The following TRIM2 variants were observed in gnomAD, a reference collection of about 807,000 sequenced individuals.
The protein encoded by TRIM2 is tripartite motif containing 2.
TRIM2 carries 20 observed loss-of-function variants against 75.2 expected under a neutral mutation model. The observed-to-expected ratio is 0.27, with a 90% confidence interval of 0.19 to 0.39. The LOEUF (loss-of-function observed/expected upper bound fraction) is 0.39. TRIM2 is among the 10% of genes least tolerant of loss of function. The pLI, the probability that TRIM2 is intolerant of heterozygous loss-of-function variation, is 1.00. For synonymous variants in TRIM2, 373 were observed against 388.3 expected (o/e 0.96, Z 0.46); for missense variants, 660 against 990.8 (o/e 0.67, Z 4.48).
intron 11 of TRIM2, among the ~76,000 whole-genome samples, chr4:153,332,990 AACTTACGTCC>A (rs1771824490): frequency 6.6e-6 from 1 of 152,200 alleles, no homozygotes; most frequent in African/African-American, 2.4e-5. Flanking sequence ...GAGAAGTGAA[AACTTACGTCC>A]ACACAAAAAC....
rs114031474 is a variant in TRIM2 at position 153,336,250 on chromosome 4, C to T, written c.*1284C>T. The stretch of plus-strand genomic sequence containing the variant: ...ATTCCTTTACTAAGCAGTTTAAAGC[C>T]GTCCTAGTGGAGCAAGCCCTAAAGC... On this transcript the variant is annotated 3_prime_UTR_variant, in exon 12 of 12. Coordinates refer to ENST00000338700, the MANE Select transcript of TRIM2 (RefSeq NM_015271.5). 710 of 985,150 alleles carry T rather than the reference C, an allele frequency of 7.2e-4. 6 individuals are homozygous for T. The African/African-American group carries it at 0.011, about 15-fold the overall frequency. 61.0% of individuals were successfully genotyped at this position (985,150 alleles called of 1,614,324 possible).
chr4:153,154,305 G>C (rs1729019389), intron 1 of TRIM2, among the ~76,000 whole-genome samples: 1 of 152,152 alleles, frequency 6.6e-6, no homozygotes, highest in South Asian at 2.1e-4. Flanking sequence ...TCTTGATGTG[G>C]TGTCTGGCCT....
Position 153,335,048 on chromosome 4 carries a change from T to A in TRIM2, c.*82T>A, listed in dbSNP as rs905097512. 3.7e-6 allele frequency: 5 copies of A among 1,359,816 alleles called. No homozygotes were observed. Among genetic ancestry groups the A allele is most frequent in the Non-Finnish European group, 4.8e-6 (5 of 1,041,742 alleles). The allele number at this position is 1,359,816 out of a possible 1,614,324, so 84.2% of individuals were successfully genotyped here. On this transcript the variant is annotated 3_prime_UTR_variant, in exon 12 of 12. Coordinates refer to ENST00000338700, the MANE Select transcript of TRIM2 (RefSeq NM_015271.5). ...TCTCAATGCGGGACCAGATTATGAC[T>A]AGAGTTTTTATGCCAGAAGGAATCA...
At position 153,157,570 on chromosome 4, in the gene TRIM2, C is replaced by G. The variant is rs191310960; in HGVS notation, c.-49+4300C>G. 3.3e-5 allele frequency among the ~76,000 whole-genome samples: 5 copies of G among 152,272 alleles called. No homozygotes were observed. The East Asian group carries it at 7.7e-4, about 23-fold the overall frequency. ...TTTTGAGTTGCCAAAACCATAGGCT[C>G]GGGCTGAGATGCTCTACCCTGGCAT... On this transcript the variant is annotated intron_variant, in intron 1 of 11. Transcript: ENST00000437508.
In TRIM2 at chr4:153,328,786, C is replaced by T. The variant is rs188370224; in HGVS notation, c.2163+116C>T. ...TTTTCCATTGGTTAGGACATAGAAC[C>T]ATAGATACTCTCACCAGAAGGACCA... On this transcript the variant is annotated intron_variant, in intron 11 of 11. Coordinates refer to ENST00000338700, the MANE Select transcript of TRIM2 (RefSeq NM_015271.5). 1.6e-4 allele frequency: 181 copies of T among 1,141,802 alleles called. No individual in the cohort carries two copies. In the African/African-American group the frequency reaches 2.7e-3, roughly 17 times the overall value. The allele number at this position is 1,141,802 out of a possible 1,614,324, so 70.7% of individuals were successfully genotyped here. A position where few individuals can be genotyped will look rare whatever the true frequency, so the allele number is the denominator to read the frequency against.
At chr4:153,174,680 C>T (rs1055671310) in intron 1 of TRIM2, among the ~76,000 whole-genome samples, 20 of 152,012 alleles carry the variant, frequency 1.3e-4, no homozygotes, top group African/African-American at 3.4e-4. Flanking sequence ...AATTATGTTT[C>T]TCTTTATTAT....
At chr4:153,294,263 TG>T (rs1351623909) in intron 4 of TRIM2, 41 bp from the exon 5 acceptor site, 1 of 1,594,358 alleles carries the variant, frequency 6.3e-7, no homozygotes, top group African/African-American at 1.4e-5. Context: ...GGAATATTTC[TG>T]GGTTGAGGTT....
chr4:153,204,706 T>A lies in TRIM2; in HGVS notation c.30+146T>A, dbSNP rs1372326142. On this transcript the variant is annotated intron_variant, in intron 1 of 11. Transcript: ENST00000338700. ...GAAGAGGGAAGGAAAAGACTGGGAT[T>A]TGCTGACAAAGCTCACAGTGAGCTC... The A allele has an allele frequency of 6.2e-6, 7 of 1,128,938 alleles. No homozygotes were observed. In the Admixed American group the frequency reaches 1.0e-4, roughly 17 times the overall value. 69.9% of individuals were successfully genotyped at this position (1,128,938 alleles called of 1,614,324 possible). A position where few individuals can be genotyped will look rare whatever the true frequency, so the allele number is the denominator to read the frequency against.
At position 153,270,246 on chromosome 4, in the gene TRIM2, T is replaced by C. The variant is rs576858641; in HGVS notation, c.31-89T>C. The stretch of plus-strand genomic sequence containing the variant: ...CCTGGCCGACTTCTACCTTTACTTA[T>C]AGCACAATGCTTATGGTGAAAGAGC... On this transcript the variant is annotated intron_variant, in intron 1 of 11. Transcript: ENST00000338700. The C allele has an allele frequency of 3.4e-6, 5 of 1,472,126 alleles. No homozygotes were observed. In the East Asian group the frequency reaches 7.1e-5, roughly 21 times the overall value. The allele number at this position is 1,472,126 out of a possible 1,614,324, so 91.2% of individuals were successfully genotyped here. A position where few individuals can be genotyped will look rare whatever the true frequency, so the allele number is the denominator to read the frequency against.
chr4:153,296,293 T>C (rs1360707260), intron 6 of TRIM2, among the ~76,000 whole-genome samples: 1 of 152,208 alleles, frequency 6.6e-6, no homozygotes, highest in Non-Finnish European at 1.5e-5. Flanking sequence ...AAGACACAAG[T>C]GCTGCATATT....
At chr4:153,267,509 G>A (rs554996580) in intron 1 of TRIM2, among the ~76,000 whole-genome samples, 9 of 152,048 alleles carry the variant, frequency 5.9e-5, no homozygotes, top group Admixed American at 2.6e-4. Flanking sequence ...AAAATTAGCC[G>A]GGCGTGGTGG....
intron 11 of TRIM2, among the ~76,000 whole-genome samples, chr4:153,333,302 G>T (rs1771901628): frequency 6.6e-6 from 1 of 152,204 alleles, no homozygotes; most frequent in Admixed American, 6.5e-5. Context: ...CAGATTAGTG[G>T]TTGGCAAGGA....
chr4:153,335,324 G>T lies in TRIM2; in HGVS notation c.*358G>T, dbSNP rs1772331175. ...GTTAATCCTGTGAATGGTAGCTTTTGCACAGAACTTCCAAAAGCAAAACAA... is the reference window on the plus strand; with the variant it reads ...GTTAATCCTGTGAATGGTAGCTTTTTCACAGAACTTCCAAAAGCAAAACAA... On this transcript the variant is annotated 3_prime_UTR_variant, in exon 12 of 12. Coordinates refer to ENST00000338700, the MANE Select transcript of TRIM2 (RefSeq NM_015271.5). 1.0e-6 allele frequency: 1 copy of T among 998,984 alleles called. No individual in the cohort carries two copies. 61.9% of individuals were successfully genotyped at this position (998,984 alleles called of 1,614,324 possible).
At chr4:153,334,347 T>C (rs1243198483) in intron 11 of TRIM2, among the ~76,000 whole-genome samples, 2 of 151,636 alleles carry the variant, frequency 1.3e-5, no homozygotes, top group South Asian at 4.2e-4. Context: ...TATCCATAGA[T>C]GGATAGATGA....
intron 1 of TRIM2, among the ~76,000 whole-genome samples, chr4:153,262,276 G>A (rs1753774809): frequency 6.6e-6 from 1 of 152,152 alleles, no homozygotes; most frequent in Non-Finnish European, 1.5e-5. Context: ...AAATTCCAAG[G>A]CTAGGGTTTT....
At chr4:153,200,224 C>T (rs968533561), upstream of TRIM2, among the ~76,000 whole-genome samples, 1 of 152,192 alleles carries the variant, frequency 6.6e-6, no homozygotes, top group East Asian at 1.9e-4. Context: ...AGCCACTGTG[C>T]TCAGCCGGCC....
At chr4:153,196,263 A>ACC (rs113523472) in intron 1 of TRIM2, among the ~76,000 whole-genome samples, 6 of 135,508 alleles carry the variant, frequency 4.4e-5, no homozygotes, top group African/African-American at 1.6e-4. Context: ...CATTCCTACC[A>ACC]CCCCCCCCCA....
rs1031253809 is a variant in TRIM2, at chr4:153,338,491, T to C, written c.*3525T>C. On this transcript the variant is annotated 3_prime_UTR_variant, in exon 12 of 12. Coordinates refer to ENST00000338700, the MANE Select transcript of TRIM2 (RefSeq NM_015271.5). Reference sequence around the variant, plus strand: ...TTTAGCTTAAAAGTGAAAGTGGTAATACTGTTGGTTTCTGTAAATGTTGCA... The same window carrying C: ...TTTAGCTTAAAAGTGAAAGTGGTAACACTGTTGGTTTCTGTAAATGTTGCA... The C allele has an allele frequency of 2.5e-5, 25 of 985,506 alleles. No homozygotes were observed. The highest frequency in any genetic ancestry group is 3.0e-5 in the Non-Finnish European group (25 of 829,654). 61.0% of individuals were successfully genotyped at this position (985,506 alleles called of 1,614,324 possible). A position where few individuals can be genotyped will look rare whatever the true frequency, so the allele number is the denominator to read the frequency against.
At chr4:153,277,246 T>C (rs1383341690) in intron 3 of TRIM2, among the ~76,000 whole-genome samples, 1 of 152,242 alleles carries the variant, frequency 6.6e-6, no homozygotes, top group East Asian at 1.9e-4. Context: ...TTGTTTCCTC[T>C]TTATGTGGCG....
Sources: allele counts gnomAD v4.1 joint callset (sites outside exome capture counted in the v4.1 genomes callset), GRCh38; gene constraint gnomAD v4.1.1; transcripts MANE v1.5; gene names NCBI Gene and HGNC (gene_info 2026-07-23, HGNC 2026-07-21).